The following SPSB4 variants were observed in gnomAD, a reference collection of about 807,000 sequenced individuals.
SPSB4 encodes the protein SPRY domain-containing SOCS box protein 4.
A neutral mutation model predicts 20.9 loss-of-function variants in SPSB4; 21 were observed. The observed-to-expected ratio is 1.01, with a 90% CI of 0.71 to 1.45. The LOEUF (loss-of-function observed/expected upper bound fraction) is 1.45, where lower values mean the gene tolerates loss of function less well. SPSB4 is among the 40% of genes most tolerant of loss of function. SPSB4 has a pLI of 0.00. For synonymous variants in SPSB4, 207 were observed against 183.8 expected (o/e 1.13, Z -1.02); for missense variants, 399 against 399.2 (o/e 1.00, Z 0.00).
At chr3:141,064,646 G>C (rs140386883) in intron 1 of SPSB4, among the ~76,000 whole-genome samples, 2 of 152,290 alleles carry the variant, frequency 1.3e-5, no homozygotes, top group Non-Finnish European at 2.9e-5. Context: ...GGTTGAGGCT[G>C]GGGAGGGCAG....
intron 2 of SPSB4, among the ~76,000 whole-genome samples, chr3:141,077,964 C>G (rs1938151300): frequency 1.3e-5 from 2 of 152,260 alleles, no homozygotes; most frequent in Admixed American, 6.5e-5. Context: ...CTCCCCCCAT[C>G]TCCTCTATCT....
chr3:141,140,758 G>A (rs1939312405), intron 2 of SPSB4, among the ~76,000 whole-genome samples: 1 of 152,228 alleles, frequency 6.6e-6, no homozygotes, highest in Non-Finnish European at 1.5e-5. Flanking sequence ...TTGTCTCCCA[G>A]TTAGGCTACT....
At chr3:141,056,195 C>T (rs188908652) in intron 1 of SPSB4, among the ~76,000 whole-genome samples, 11 of 152,328 alleles carry the variant, frequency 7.2e-5, no homozygotes, top group African/African-American at 2.6e-4. Context: ...ATCCATCTGA[C>T]CTTTAATGTT....
intron 2 of SPSB4, among the ~76,000 whole-genome samples, chr3:141,138,126 G>T (rs1939258901): frequency 6.6e-6 from 1 of 152,228 alleles, no homozygotes; most frequent in Admixed American, 6.5e-5. Flanking sequence ...TTTCATAGAG[G>T]TGTTTATAGT....
At chr3:141,094,772 C>T (rs1241504027) in intron 2 of SPSB4, among the ~76,000 whole-genome samples, 9 of 139,254 alleles carry the variant, frequency 6.5e-5, no homozygotes, top group Non-Finnish European at 1.4e-4. Context: ...GCCCGCCCCC[C>T]GCCCCCCGCC....
intron 2 of SPSB4, among the ~76,000 whole-genome samples, chr3:141,067,027 C>G (rs924669602): frequency 6.6e-6 from 1 of 152,144 alleles, no homozygotes; most frequent in Non-Finnish European, 1.5e-5. Context: ...ACAGTTGTAA[C>G]GATCAAATAA....
At chr3:141,091,449 G>A (rs115500004) in intron 2 of SPSB4, among the ~76,000 whole-genome samples, 269 of 152,342 alleles carry the variant, frequency 1.8e-3, no homozygotes, top group Non-Finnish European at 2.5e-3. Flanking sequence ...GCATGATGCT[G>A]TCTACTTATA....
chr3:141,147,191 C>T lies in SPSB4; in HGVS notation c.744C>T (p.Ala248=). The T allele has an allele frequency of 6.2e-7, 1 of 1,614,216 alleles. No homozygotes were observed. The change falls in exon 3 of 3, where the codon GCC becomes GCT. Residue 248 remains alanine, a synonymous_variant. Coordinates refer to ENST00000310546, the MANE Select transcript of SPSB4 (RefSeq NM_080862.3). ...MDLCRRSIRS[A]LGRQRLQDIS... is the part of the protein sequence containing the mutation. ...TGTGCCGGAGATCCATCCGCTCGGCCCTGGGCCGCCAGCGCCTGCAGGACA... is the reference window on the plus strand; with the variant it reads ...TGTGCCGGAGATCCATCCGCTCGGCTCTGGGCCGCCAGCGCCTGCAGGACA...
At chr3:141,080,505 C>T (rs566345586) in intron 2 of SPSB4, 6 of 152,560 alleles carry the variant, frequency 3.9e-5, no homozygotes, top group East Asian at 3.9e-4. Flanking sequence ...GAGCCCACCC[C>T]GACCTCTGTA....
At chr3:141,055,737 C>T (rs1004500317) in intron 1 of SPSB4, among the ~76,000 whole-genome samples, 2 of 152,146 alleles carry the variant, frequency 1.3e-5, no homozygotes, top group African/African-American at 4.8e-5. Flanking sequence ...AGGGAAGAGG[C>T]CAGGCTCAGC....
chr3:141,087,072 G>A (rs1332050229), intron 2 of SPSB4, among the ~76,000 whole-genome samples: 2 of 152,192 alleles, frequency 1.3e-5, no homozygotes, highest in Non-Finnish European at 2.9e-5. Context: ...GATGACACGC[G>A]CACAGCACAG....
At chr3:141,072,809 G>C (rs57164953) in intron 2 of SPSB4, among the ~76,000 whole-genome samples, 1 of 151,900 alleles carries the variant, frequency 6.6e-6, no homozygotes, top group Non-Finnish European at 1.5e-5. Flanking sequence ...TGTGTATCTC[G>C]GCCCCCCATC....
intron 2 of SPSB4, among the ~76,000 whole-genome samples, chr3:141,076,415 T>C (rs1368173370): frequency 9.2e-5 from 14 of 152,274 alleles, no homozygotes; most frequent in Admixed American, 7.8e-4. Flanking sequence ...TGAATGTTCC[T>C]GTGAGGATGA....
Position 141,096,701 on chromosome 3 carries a change from T to C in SPSB4, c.694+29903T>C, listed in dbSNP as rs1441191454. Among the ~76,000 whole-genome samples, 3 of 152,236 alleles carry C rather than the reference T, an allele frequency of 2.0e-5. No homozygotes were observed. The East Asian group carries it at 5.8e-4, about 29-fold the overall frequency. On this transcript the variant is annotated intron_variant, in intron 2 of 2. Coordinates refer to ENST00000310546, the MANE Select transcript of SPSB4 (RefSeq NM_080862.3). ...AGTATATAGCATCCTACATTAAACATAATGGACATGTAACTGTGATCCAAG... is the reference window on the plus strand; with the variant it reads ...AGTATATAGCATCCTACATTAAACACAATGGACATGTAACTGTGATCCAAG...
At chr3:141,068,164 G>T (rs1448898214) in intron 2 of SPSB4, among the ~76,000 whole-genome samples, 1 of 152,216 alleles carries the variant, frequency 6.6e-6, no homozygotes, top group African/African-American at 2.4e-5. Flanking sequence ...AGGGTGGCAG[G>T]CTAATGGAAA....
chr3:141,140,922 C>T (rs1939315464), intron 2 of SPSB4, among the ~76,000 whole-genome samples: 1 of 152,250 alleles, frequency 6.6e-6, no homozygotes, highest in Admixed American at 6.5e-5. Flanking sequence ...TGCCCTGCCC[C>T]CAGAGGTGGA....
intron 2 of SPSB4, among the ~76,000 whole-genome samples, chr3:141,084,913 C>T (rs973538120): frequency 6.6e-6 from 1 of 152,142 alleles, no homozygotes. Flanking sequence ...CCAGTAAGTC[C>T]GAAAGACAGC....
intron 2 of SPSB4, among the ~76,000 whole-genome samples, chr3:141,122,322 G>A (rs1228950128): frequency 6.6e-6 from 1 of 152,098 alleles, no homozygotes; most frequent in Non-Finnish European, 1.5e-5. Context: ...GCCTGTATGA[G>A]GTGTCTGTCA....
At chr3:141,094,108 C>T (rs1284583632) in intron 2 of SPSB4, among the ~76,000 whole-genome samples, 1 of 152,234 alleles carries the variant, frequency 6.6e-6, no homozygotes, top group African/African-American at 2.4e-5. Flanking sequence ...AAGCGGTTTG[C>T]AGCAGCCTTG....
Sources: allele counts gnomAD v4.1 joint callset (sites outside exome capture counted in the v4.1 genomes callset), GRCh38; gene constraint gnomAD v4.1.1; transcripts MANE v1.5; gene names NCBI Gene and HGNC (gene_info 2026-07-23, HGNC 2026-07-21).